Variants in SLC35F4 observed in about 807,000 individuals in gnomAD.
SLC35F4 encodes the protein chromosome 14 open reading frame 36.
Under a neutral mutation model 44.2 loss-of-function variants are expected in SLC35F4, and 24 were observed. The observed-to-expected ratio is 0.54, with a 90% CI of 0.39 to 0.76. The LOEUF (loss-of-function observed/expected upper bound fraction) is 0.76. Among genes scored for constraint, SLC35F4 ranks in the 30% least tolerant of loss-of-function variants. The pLI, the probability that SLC35F4 is intolerant of heterozygous loss-of-function variation, is 0.00. For synonymous variants in SLC35F4, 238 were observed against 223.6 expected, an observed-to-expected ratio of 1.06 and a Z score of -0.57; for missense variants, 562 against 586.1, an observed-to-expected ratio of 0.96 and a Z score of 0.42.
At chr14:57,968,044 G>C (rs1447335894) in intron 1 of SLC35F4, among the ~76,000 whole-genome samples, 1 of 152,124 alleles carries the variant, frequency 6.6e-6, no homozygotes, top group Non-Finnish European at 1.5e-5. Flanking sequence ...TTATAACCTT[G>C]AGATCATGAA....
At chr14:57,813,770 G>A (rs1566875804) in intron 1 of SLC35F4, among the ~76,000 whole-genome samples, 2 of 152,148 alleles carry the variant, frequency 1.3e-5, no homozygotes, top group African/African-American at 2.4e-5. Context: ...AATGGGCACT[G>A]GCCTGGTTGG....
chr14:57,858,461 G>A (rs1328428310), intron 1 of SLC35F4, among the ~76,000 whole-genome samples: 6 of 151,802 alleles, frequency 4.0e-5, no homozygotes, highest in Non-Finnish European at 7.4e-5. Context: ...GTTCTCACTC[G>A]TAGGTGGGAA....
At chr14:57,696,925 TG>T (rs939165945) in intron 1 of SLC35F4, among the ~76,000 whole-genome samples, 3 of 151,678 alleles carry the variant, frequency 2.0e-5, no homozygotes, top group Non-Finnish European at 4.4e-5. Flanking sequence ...TCCGGGGTTG[TG>T]GGGGAAAGGG....
intron 1 of SLC35F4, among the ~76,000 whole-genome samples, chr14:57,731,134 G>A (rs1362070925): frequency 6.6e-6 from 1 of 152,124 alleles, no homozygotes; most frequent in African/African-American, 2.4e-5. Context: ...AGGAAAGGAT[G>A]ACAACCTAGA....
intron 1 of SLC35F4, among the ~76,000 whole-genome samples, chr14:57,732,851 A>G (rs2076376337): frequency 1.3e-5 from 2 of 152,168 alleles, no homozygotes; most frequent in South Asian, 4.1e-4. Context: ...CTTTGAAACC[A>G]TTTTCAAAGA....
rs188498610 is a variant in SLC35F4 at position 57,958,426 on chromosome 14, T to C, written n.282+23487A>G. Among the ~76,000 whole-genome samples the C allele has an allele frequency of 1.3e-3, 201 of 152,260 alleles. 1 individual carries two copies. Among genetic ancestry groups the C allele is most frequent in the African/African-American group, 4.7e-3 (194 of 41,542 alleles). ...GTCACAAAAGGTATGCATGGTTTCATTTATATGAAATGTCTAGAATAGCCA... is the reference window on the plus strand; with the variant it reads ...GTCACAAAAGGTATGCATGGTTTCACTTATATGAAATGTCTAGAATAGCCA... On this transcript the variant is annotated intron_variant and non_coding_transcript_variant, in intron 1 of 1. Transcript: ENST00000556568.
intron 1 of SLC35F4, among the ~76,000 whole-genome samples, chr14:57,784,956 T>A (rs1489708092): frequency 2.0e-5 from 3 of 152,202 alleles, no homozygotes; most frequent in Admixed American, 6.5e-5. Flanking sequence ...CTTAATAACA[T>A]TTTTTCTCTA....
chr14:57,734,142 T>C (rs1684691359), intron 1 of SLC35F4, among the ~76,000 whole-genome samples: 1 of 152,108 alleles, frequency 6.6e-6, no homozygotes, highest in Non-Finnish European at 1.5e-5. Flanking sequence ...AACATTGAGA[T>C]ATAGGCTGGA....
intron 1 of SLC35F4, among the ~76,000 whole-genome samples, chr14:57,676,746 A>G (rs983794842): frequency 9.2e-5 from 14 of 152,120 alleles, no homozygotes; most frequent in Admixed American, 2.0e-4. Flanking sequence ...GGCCATAATT[A>G]AAAAGTCAAA....
intron 3 of SLC35F4, among the ~76,000 whole-genome samples, chr14:57,587,558 G>A (rs1391177277): frequency 6.6e-6 from 1 of 152,170 alleles, no homozygotes; most frequent in Non-Finnish European, 1.5e-5. Context: ...CTCATTAGTG[G>A]GAGTTGAACA....
intron 1 of SLC35F4, among the ~76,000 whole-genome samples, chr14:57,957,576 T>C (rs1890262110): frequency 6.6e-6 from 1 of 152,130 alleles, no homozygotes; most frequent in African/African-American, 2.4e-5. Flanking sequence ...CAGTGGAAAT[T>C]TTCAATTGCC....
chr14:57,579,782 T>G (rs769469392), intron 4 of SLC35F4, among the ~76,000 whole-genome samples: 1 of 152,226 alleles, frequency 6.6e-6, no homozygotes, highest in African/African-American at 2.4e-5. Flanking sequence ...GGATGACTTA[T>G]GTTGATATAT....
At chr14:57,783,790 A>T (rs2077689007) in intron 1 of SLC35F4, among the ~76,000 whole-genome samples, 1 of 152,214 alleles carries the variant, frequency 6.6e-6, no homozygotes, top group Admixed American at 6.5e-5. Flanking sequence ...GCCCCTAAAC[A>T]CAACATCTCT....
At chr14:57,982,987 C>T (rs1566525976), upstream of SLC35F4, among the ~76,000 whole-genome samples, 1 of 152,224 alleles carries the variant, frequency 6.6e-6, no homozygotes, top group Non-Finnish European at 1.5e-5. Context: ...ACTCTTGTTT[C>T]CGGCACTGCT....
At chr14:57,689,369 C>A (rs986819683) in intron 1 of SLC35F4, among the ~76,000 whole-genome samples, 2 of 152,046 alleles carry the variant, frequency 1.3e-5, no homozygotes, top group African/African-American at 4.8e-5. Context: ...AAGTCCACAC[C>A]ATTACCTAGA....
intron 1 of SLC35F4, among the ~76,000 whole-genome samples, chr14:57,738,374 T>C (rs897123066): frequency 6.6e-6 from 1 of 152,078 alleles, no homozygotes; most frequent in African/African-American, 2.4e-5. Flanking sequence ...GACTTCTCTA[T>C]TCTCATGAAC....
chr14:57,983,133 T>G (rs572263909), upstream of SLC35F4, among the ~76,000 whole-genome samples: 1 of 152,344 alleles, frequency 6.6e-6, no homozygotes, highest in Non-Finnish European at 1.5e-5. Context: ...AAGAAAAGTT[T>G]ACTGCAAGGC....
At chr14:57,633,631 T>C (rs975040179) in intron 1 of SLC35F4, among the ~76,000 whole-genome samples, 5 of 152,090 alleles carry the variant, frequency 3.3e-5, no homozygotes, top group Non-Finnish European at 5.9e-5. Flanking sequence ...ACCACCATAG[T>C]AAGATATAGA....
rs1456791133 is a variant in SLC35F4, at chr14:57,671,876, GA to G, written c.104-77753del. 4.7e-4 allele frequency among the ~76,000 whole-genome samples: 71 copies of G among 152,158 alleles called. 1 individual carries two copies. The highest frequency in any genetic ancestry group is 1.6e-3 in the African/African-American group (68 of 41,456). On this transcript the variant is annotated intron_variant, in intron 1 of 7. Coordinates refer to ENST00000556826, the MANE Select transcript of SLC35F4 (RefSeq NM_001306087.2). ...TTGACACTCTATTAATTCTCCCCATGAAATCAGGCTAAGTGTGAGACATTAC... is the reference window on the plus strand; with the variant it reads ...TTGACACTCTATTAATTCTCCCCATGAATCAGGCTAAGTGTGAGACATTAC...
Sources: allele counts gnomAD v4.1 joint callset (sites outside exome capture counted in the v4.1 genomes callset), GRCh38; gene constraint gnomAD v4.1.1; transcripts MANE v1.5; gene names NCBI Gene and HGNC (gene_info 2026-07-23, HGNC 2026-07-21).